CLSTN2: variants seen among roughly 807,000 people sequenced by gnomAD.
CLSTN2 encodes calsyntenin 2, also known as calsyntenin-2.
CLSTN2 carries 48 observed loss-of-function variants against 101.2 expected under a neutral mutation model. The observed-to-expected ratio is 0.47, with a 90% CI of 0.38 to 0.60. CLSTN2 has a LOEUF of 0.60. CLSTN2 is among the 20% of genes least tolerant of loss of function. The pLI is 0.00. For missense variants in CLSTN2, 1,160 were observed against 1,238.2 expected, an observed-to-expected ratio of 0.94 and a Z score of 0.95; for synonymous variants, 481 against 463.6, an observed-to-expected ratio of 1.04 and a Z score of -0.48.
At chr3:140,047,874 G>A (rs1211615374) in intron 1 of CLSTN2, among the ~76,000 whole-genome samples, 2 of 152,202 alleles carry the variant, frequency 1.3e-5, no homozygotes, top group Non-Finnish European at 2.9e-5. Flanking sequence ...TCTCAATGCT[G>A]CCACAATAGA....
intron 2 of CLSTN2, among the ~76,000 whole-genome samples, chr3:140,324,156 C>A (rs1258623286): frequency 6.6e-6 from 1 of 152,204 alleles, no homozygotes; most frequent in Non-Finnish European, 1.5e-5. Flanking sequence ...TAAACCTTCA[C>A]TGAAGTGTTA....
intron 1 of CLSTN2, among the ~76,000 whole-genome samples, chr3:140,014,846 G>T (rs374746336): frequency 1.3e-5 from 2 of 152,188 alleles, no homozygotes; most frequent in South Asian, 4.1e-4. Context: ...CTCTGAAATG[G>T]GAGTGATTGT....
chr3:140,544,821 G>A (rs1007085864), intron 9 of CLSTN2, among the ~76,000 whole-genome samples: 1 of 152,004 alleles, frequency 6.6e-6, no homozygotes, highest in Non-Finnish European at 1.5e-5. Context: ...GGGCTTCCAT[G>A]AGCATCAGGA....
intron 8 of CLSTN2, among the ~76,000 whole-genome samples, chr3:140,497,948 G>A (rs1188527244): frequency 6.6e-6 from 1 of 152,184 alleles, no homozygotes; most frequent in African/African-American, 2.4e-5. Flanking sequence ...CTTTGGCTCT[G>A]CACCACTCCA....
chr3:140,033,531 G>A (rs1429872460), intron 1 of CLSTN2, among the ~76,000 whole-genome samples: 1 of 152,184 alleles, frequency 6.6e-6, no homozygotes, highest in Non-Finnish European at 1.5e-5. Context: ...TGATAATTGA[G>A]CTTAAGAGCA....
chr3:140,090,916 T>A (rs771234962), intron 1 of CLSTN2, among the ~76,000 whole-genome samples: 1 of 152,082 alleles, frequency 6.6e-6, no homozygotes, highest in Non-Finnish European at 1.5e-5. Flanking sequence ...AATGCCAGAT[T>A]TGGAACTGGG....
At chr3:140,295,048 T>G (rs1009349032) in intron 2 of CLSTN2, among the ~76,000 whole-genome samples, 1 of 152,190 alleles carries the variant, frequency 6.6e-6, no homozygotes, top group African/African-American at 2.4e-5. Flanking sequence ...TTTGGGGTAT[T>G]GGGGTCACAG....
chr3:140,245,526 A>T (rs2086508262), intron 2 of CLSTN2, among the ~76,000 whole-genome samples: 1 of 152,198 alleles, frequency 6.6e-6, no homozygotes, highest in South Asian at 2.1e-4. Flanking sequence ...CTTAACCTAG[A>T]TGATGACTAA....
At chr3:140,372,627 A>G (rs750138047) in intron 2 of CLSTN2, among the ~76,000 whole-genome samples, 125 of 152,174 alleles carry the variant, frequency 8.2e-4, no homozygotes, top group Non-Finnish European at 1.6e-3. Context: ...GAACACAGGC[A>G]ACTCCATTAA....
chr3:140,235,495 G>A (rs1168200312), intron 2 of CLSTN2, among the ~76,000 whole-genome samples: 4 of 152,208 alleles, frequency 2.6e-5, no homozygotes, highest in African/African-American at 9.7e-5. Context: ...GATAAACCAG[G>A]ACCTAAGCTG....
At chr3:139,950,644 T>A (rs985781964) in intron 1 of CLSTN2, among the ~76,000 whole-genome samples, 2 of 152,218 alleles carry the variant, frequency 1.3e-5, no homozygotes, top group Admixed American at 6.5e-5. Context: ...ACAACACATA[T>A]TTTGTAGTGC....
At chr3:140,133,622 G>T (rs969819117) in intron 1 of CLSTN2, among the ~76,000 whole-genome samples, 16 of 152,094 alleles carry the variant, frequency 1.1e-4, no homozygotes, top group African/African-American at 2.4e-4. Context: ...TTGCAGAGGT[G>T]GGGGGGCCAG....
At chr3:140,266,381 A>G (rs1051125193) in intron 2 of CLSTN2, among the ~76,000 whole-genome samples, 1 of 152,236 alleles carries the variant, frequency 6.6e-6, no homozygotes, top group Non-Finnish European at 1.5e-5. Context: ...TCATATTATA[A>G]GATAGTAGTG....
chr3:139,969,469 T>A (rs1024420209), intron 1 of CLSTN2, among the ~76,000 whole-genome samples: 1 of 152,212 alleles, frequency 6.6e-6, no homozygotes, highest in Non-Finnish European at 1.5e-5. Flanking sequence ...CTAGAGTTTA[T>A]GCACAATCTT....
intron 1 of CLSTN2, among the ~76,000 whole-genome samples, chr3:139,970,580 T>A (rs1413415805): frequency 6.6e-6 from 1 of 152,146 alleles, no homozygotes. Flanking sequence ...TCTGGACCAT[T>A]TCGGTGATGA....
chr3:140,291,115 G>T (rs986778917), intron 2 of CLSTN2, among the ~76,000 whole-genome samples: 1 of 151,894 alleles, frequency 6.6e-6, no homozygotes, highest in East Asian at 1.9e-4. Flanking sequence ...TCTTTAAAAG[G>T]GGGCTAATAT....
In CLSTN2 at chr3:140,452,257, C is replaced by T. The variant is rs551398240; in HGVS notation, c.973+3553C>T. On this transcript the variant is annotated intron_variant, in intron 6 of 16. Coordinates refer to ENST00000458420, the MANE Select transcript of CLSTN2 (RefSeq NM_022131.3). ...GCTGATCCATTACTACAGCACATTT[C>T]GCCCTGATGTTCTGCTTCTGCTTGG... 9.2e-5 allele frequency among the ~76,000 whole-genome samples: 14 copies of T among 152,172 alleles called. No homozygotes were observed. The South Asian group carries it at 1.5e-3, about 16-fold the overall frequency.
intron 2 of CLSTN2, among the ~76,000 whole-genome samples, chr3:140,288,645 A>G (rs1382057068): frequency 6.6e-6 from 1 of 152,178 alleles, no homozygotes; most frequent in African/African-American, 2.4e-5. Context: ...CCTTCTTCTC[A>G]CTATGCCCAG....
intron 1 of CLSTN2, among the ~76,000 whole-genome samples, chr3:140,054,713 T>A (rs775870870): frequency 2.6e-4 from 39 of 152,340 alleles, no homozygotes; most frequent in Middle Eastern, 3.4e-3. Context: ...AGGGGGTGTA[T>A]GTGATCATAG....
Sources: allele counts gnomAD v4.1 joint callset (sites outside exome capture counted in the v4.1 genomes callset), GRCh38; gene constraint gnomAD v4.1.1; transcripts MANE v1.5; gene names NCBI Gene and HGNC (gene_info 2026-07-23, HGNC 2026-07-21).